RBMS3: variants seen among roughly 807,000 people sequenced by gnomAD.
RBMS3 encodes the protein RNA-binding motif, single-stranded-interacting protein 3.
In RBMS3, 27 loss-of-function variants were observed where a neutral mutation model predicts 66.8. The observed-to-expected ratio is 0.40, with a 90% CI of 0.30 to 0.56. RBMS3 has a LOEUF of 0.56. RBMS3 is among the 20% of genes least tolerant of loss of function. RBMS3 has a pLI of 0.40. For synonymous variants in RBMS3, 188 were observed against 183.0 expected (o/e 1.03, Z -0.22); for missense variants, 513 against 549.5 (o/e 0.93, Z 0.66).
At chr3:29,921,072 G>T (rs1480297553) in intron 10 of RBMS3, among the ~76,000 whole-genome samples, 1 of 151,966 alleles carries the variant, frequency 6.6e-6, no homozygotes, top group East Asian at 1.9e-4. Flanking sequence ...GTTTGCTGTT[G>T]TTGTTTTGAG....
intron 12 of RBMS3, among the ~76,000 whole-genome samples, chr3:29,959,201 C>T (rs1696244646): frequency 6.6e-6 from 1 of 152,188 alleles, no homozygotes; most frequent in African/African-American, 2.4e-5. Flanking sequence ...ACAATACTCA[C>T]AGAGATATAC....
chr3:29,815,702 T>A (rs1300793455), intron 6 of RBMS3, among the ~76,000 whole-genome samples: 1 of 152,088 alleles, frequency 6.6e-6, no homozygotes, highest in East Asian at 1.9e-4. Context: ...CCAAATATCC[T>A]TTGTTCTCAC....
rs554637494 is a variant in RBMS3, at chr3:29,363,179, T to C, written c.76-71564T>C. Among the ~76,000 whole-genome samples, 108 of 152,336 alleles carry C rather than the reference T, an allele frequency of 7.1e-4. 1 individual carries two copies. The highest frequency in any genetic ancestry group is 1.1e-3 in the Non-Finnish European group (73 of 68,034). ...TCTGAGGGTTGCCTTATTACAATCC[T>C]TCAGGAGACTTAGTGTGTTATTCAG... is the stretch of plus-strand genomic sequence containing the variant. On this transcript the variant is annotated intron_variant, in intron 1 of 14. Transcript: ENST00000383767.
At chr3:29,789,286 A>G (rs1290078666) in intron 6 of RBMS3, among the ~76,000 whole-genome samples, 3 of 152,120 alleles carry the variant, frequency 2.0e-5, no homozygotes, top group Non-Finnish European at 4.4e-5. Context: ...TATCTCATAT[A>G]TATATAATGC....
chr3:29,934,274 G>T (rs1175557391), intron 10 of RBMS3: 1 of 151,536 alleles, frequency 6.6e-6, no homozygotes, highest in Admixed American at 6.6e-5. Context: ...CAGCTGCTAA[G>T]CATTAGAATG....
chr3:29,594,058 A>C (rs2047860570), intron 4 of RBMS3, among the ~76,000 whole-genome samples: 1 of 152,160 alleles, frequency 6.6e-6, no homozygotes, highest in Non-Finnish European at 1.5e-5. Context: ...GGAGAAAACT[A>C]TACTTATATT....
At chr3:29,830,511 T>C (rs1211242020) in intron 6 of RBMS3, among the ~76,000 whole-genome samples, 1 of 152,082 alleles carries the variant, frequency 6.6e-6, no homozygotes, top group Non-Finnish European at 1.5e-5. Context: ...GCCCTTTTGA[T>C]TGTGGTTATG....
intron 3 of RBMS3, among the ~76,000 whole-genome samples, chr3:29,532,262 G>GTATATATA (rs869225843): frequency 1.6e-5 from 1 of 62,690 alleles, no homozygotes; most frequent in African/African-American, 7.1e-5. Context: ...ATATATATAT[G>GTATATATA]TATATATATA....
At chr3:29,829,566 G>A (rs2058309296) in intron 6 of RBMS3, among the ~76,000 whole-genome samples, 1 of 152,104 alleles carries the variant, frequency 6.6e-6, no homozygotes, top group South Asian at 2.1e-4. Flanking sequence ...GTGGAATATT[G>A]TGAAATAGCT....
chr3:29,608,024 C>G (rs1641062390), intron 4 of RBMS3, among the ~76,000 whole-genome samples: 1 of 151,910 alleles, frequency 6.6e-6, no homozygotes, highest in African/African-American at 2.4e-5. Context: ...ACATGCCCAT[C>G]ATCCAGCTTC....
chr3:29,561,748 G>A (rs1427608672), intron 3 of RBMS3, among the ~76,000 whole-genome samples: 2 of 152,104 alleles, frequency 1.3e-5, no homozygotes, highest in South Asian at 4.1e-4. Context: ...ACCATGCCTG[G>A]CCCTTGACTT....
chr3:29,690,745 G>A (rs950422048), intron 4 of RBMS3, among the ~76,000 whole-genome samples: 1 of 152,010 alleles, frequency 6.6e-6, no homozygotes, highest in African/African-American at 2.4e-5. Context: ...TTTTTGTTTT[G>A]CCTAAACAGT....
At chr3:30,003,201 C>A (rs2125405822) in intron 14 of RBMS3, among the ~76,000 whole-genome samples, 1 of 152,032 alleles carries the variant, frequency 6.6e-6, no homozygotes, top group African/African-American at 2.4e-5. Context: ...ATAGAAGGGG[C>A]AGTAGCAGAA....
At chr3:29,623,604 A>C (rs1355392857) in intron 4 of RBMS3, among the ~76,000 whole-genome samples, 1 of 152,092 alleles carries the variant, frequency 6.6e-6, no homozygotes, top group Non-Finnish European at 1.5e-5. Context: ...AAAAAAAAAA[A>C]AAAAGGTATA....
intron 7 of RBMS3, among the ~76,000 whole-genome samples, chr3:29,881,024 C>T (rs2059724816): frequency 6.6e-6 from 1 of 152,216 alleles, no homozygotes; most frequent in Admixed American, 6.5e-5. Context: ...CAGTAGCTCC[C>T]CCAAGAGGAG....
At chr3:29,666,708 G>A (rs6769294) in intron 4 of RBMS3, among the ~76,000 whole-genome samples, 65 of 151,962 alleles carry the variant, frequency 4.3e-4, no homozygotes, top group Admixed American at 1.1e-3. Context: ...TTGCATCATC[G>A]GCATTAATTT....
chr3:29,762,584 A>G (rs567897935), intron 5 of RBMS3, among the ~76,000 whole-genome samples: 3 of 152,262 alleles, frequency 2.0e-5, no homozygotes, highest in East Asian at 1.9e-4. Context: ...TTGCTAATTC[A>G]TCATTCAACA....
rs557257146 is a variant in RBMS3 at position 29,762,898 on chromosome 3, T to C, written c.558-12T>C. The C allele has an allele frequency of 1.3e-6, 2 of 1,555,958 alleles. No individual in the cohort carries two copies. The highest frequency in any genetic ancestry group is 2.3e-5 in the South Asian group (2 of 87,456). The stretch of plus-strand genomic sequence containing the variant: ...AACCATATATGACCTCTGGTTTACC[T>C]TTTTTTCCCAGAATGGAGTCTACTG... On this transcript the variant is annotated splice_polypyrimidine_tract_variant and intron_variant, in intron 5 of 14. Coordinates refer to ENST00000383767, the MANE Select transcript of RBMS3 (RefSeq NM_001003793.3).
At chr3:29,604,692 C>G (rs1283816212) in intron 4 of RBMS3, among the ~76,000 whole-genome samples, 4 of 151,932 alleles carry the variant, frequency 2.6e-5, no homozygotes, top group Non-Finnish European at 4.4e-5. Context: ...GAGTTGGAAA[C>G]CATATATGAT....
Sources: gnomAD v4.1 joint callset for allele counts (sites outside exome capture counted in the v4.1 genomes callset) on GRCh38, gnomAD v4.1.1 for gene constraint, MANE v1.5 for transcripts, NCBI Gene and HGNC (gene_info 2026-07-23, HGNC 2026-07-21) for gene names.